Variants in CCDC91 observed in about 807,000 individuals in gnomAD.
CCDC91 encodes the protein coiled-coil domain-containing protein 91.
In CCDC91, 48 loss-of-function variants were observed where a neutral mutation model predicts 63.2. The observed-to-expected ratio is 0.76, with a 90% CI of 0.60 to 0.97. CCDC91 has a LOEUF of 0.97. Ranked by LOEUF, CCDC91 falls within the 50% of genes least tolerant of loss-of-function variation. The probability of loss-of-function intolerance (pLI) is 0.00; values close to 1 mark genes in which losing one functional copy is unlikely to be tolerated. For missense variants in CCDC91, 500 were observed against 494.6 expected, an observed-to-expected ratio of 1.01 and a Z score of -0.10; for synonymous variants, 167 against 165.8, an observed-to-expected ratio of 1.01 and a Z score of -0.06.
At chr12:28,267,637 TAATTAATATATATACCC>T (rs1947276391) in intron 3 of CCDC91, among the ~76,000 whole-genome samples, 1 of 130,104 alleles carries the variant, frequency 7.7e-6, no homozygotes, top group African/African-American at 2.8e-5. Context: ...CATATATACC[TAATTAATATATATACCC>T]AATTAATATA....
chr12:28,433,876 A>G (rs1948759012), intron 8 of CCDC91, among the ~76,000 whole-genome samples: 1 of 151,940 alleles, frequency 6.6e-6, no homozygotes, highest in African/African-American at 2.4e-5. Flanking sequence ...TTCATTCATC[A>G]GAGCTTTGTA....
intron 8 of CCDC91, among the ~76,000 whole-genome samples, chr12:28,391,797 C>T (rs1346267419): frequency 6.6e-6 from 1 of 152,142 alleles, no homozygotes; most frequent in Admixed American, 6.5e-5. Context: ...TCTGTACAGG[C>T]ATTGGCTTCT....
intron 11 of CCDC91, among the ~76,000 whole-genome samples, chr12:28,464,360 G>A (rs1318830118): frequency 6.6e-6 from 1 of 152,178 alleles, no homozygotes; most frequent in Admixed American, 6.5e-5. Flanking sequence ...CATTAGCCAG[G>A]ATGGCTGAGG....
intron 1 of CCDC91, among the ~76,000 whole-genome samples, chr12:28,254,348 A>G (rs927094059): frequency 1.6e-4 from 25 of 152,182 alleles, no homozygotes; most frequent in African/African-American, 6.0e-4. Flanking sequence ...TGTAACTTAG[A>G]TGTCAGATAT....
At chr12:28,502,808 A>C (rs1201466404) in intron 12 of CCDC91, among the ~76,000 whole-genome samples, 4 of 146,610 alleles carry the variant, frequency 2.7e-5, no homozygotes, top group Admixed American at 2.7e-4. Flanking sequence ...TCTTTGACAA[A>C]CCTGAGAAAA....
At chr12:28,240,824 A>G (rs951115684) in intron 1 of CCDC91, among the ~76,000 whole-genome samples, 3 of 152,216 alleles carry the variant, frequency 2.0e-5, no homozygotes, top group Admixed American at 6.5e-5. Context: ...CAAAGCTATG[A>G]ACAATCATGT....
intron 8 of CCDC91, among the ~76,000 whole-genome samples, chr12:28,438,548 T>TA (rs1430257414): frequency 6.6e-6 from 1 of 152,076 alleles, no homozygotes; most frequent in African/African-American, 2.4e-5. Flanking sequence ...TGGACTAAGA[T>TA]ACTTGCTAAA....
intron 3 of CCDC91, among the ~76,000 whole-genome samples, chr12:28,280,298 A>G (rs1948520887): frequency 6.6e-6 from 1 of 152,114 alleles, no homozygotes; most frequent in Non-Finnish European, 1.5e-5. Flanking sequence ...ATTTTTGTAT[A>G]TTACTTTCAA....
Position 28,547,831 on chromosome 12 carries a change from T to C in CCDC91, c.1216-1232T>C, listed in dbSNP as rs532286130. ...CATCCAATTTTTCAGCCATTTTGAG[T>C]ATAGTAGATTATGGAAGTATACTTT... On this transcript the variant is annotated intron_variant, in intron 12 of 12. Coordinates refer to ENST00000536442, the MANE Select transcript of CCDC91 (RefSeq NM_018318.5). Among the ~76,000 whole-genome samples the C allele has an allele frequency of 4.6e-4, 70 of 152,274 alleles. 1 individual carries two copies. The highest frequency in any genetic ancestry group is 1.6e-3 in the African/African-American group (68 of 41,574).
At chr12:28,496,957 T>G (rs1483010289) in intron 12 of CCDC91, among the ~76,000 whole-genome samples, 1 of 147,274 alleles carries the variant, frequency 6.8e-6, no homozygotes, top group Non-Finnish European at 1.5e-5. Context: ...TATATATATA[T>G]ATATGTAGGA....
intron 12 of CCDC91, among the ~76,000 whole-genome samples, chr12:28,521,205 C>CA (rs1940614549): frequency 6.6e-6 from 1 of 152,164 alleles, no homozygotes; most frequent in Non-Finnish European, 1.5e-5. Flanking sequence ...TATCCATGAG[C>CA]ATGGAATGTT....
At chr12:28,304,929 A>G (rs1045700935) in intron 3 of CCDC91, among the ~76,000 whole-genome samples, 9 of 152,138 alleles carry the variant, frequency 5.9e-5, no homozygotes, top group Non-Finnish European at 1.3e-4. Context: ...GGACCTTTAT[A>G]TTTGAGCTCT....
intron 6 of CCDC91, among the ~76,000 whole-genome samples, chr12:28,309,732 A>G (rs185825421): frequency 4.6e-5 from 7 of 152,194 alleles, no homozygotes; most frequent in African/African-American, 1.7e-4. Flanking sequence ...TATTTACATG[A>G]GTCAGATTAA....
chr12:28,211,990 C>A (rs1377043652), intron 1 of CCDC91, among the ~76,000 whole-genome samples: 1 of 152,128 alleles, frequency 6.6e-6, no homozygotes, highest in African/African-American at 2.4e-5. Context: ...TCTGTCATGA[C>A]TTCCAAACCC....
intron 6 of CCDC91, among the ~76,000 whole-genome samples, chr12:28,309,767 A>T (rs1437431339): frequency 1.3e-5 from 2 of 152,072 alleles, no homozygotes; most frequent in Non-Finnish European, 1.5e-5. Flanking sequence ...TACTTTTAAC[A>T]GCTCTCGCTG....
chr12:28,480,556 A>G (rs1951390279), intron 11 of CCDC91, among the ~76,000 whole-genome samples: 1 of 152,002 alleles, frequency 6.6e-6, no homozygotes, highest in South Asian at 2.1e-4. Flanking sequence ...TTTGCTACCA[A>G]CCACAAACTA....
intron 8 of CCDC91, among the ~76,000 whole-genome samples, chr12:28,394,551 G>A (rs569703871): frequency 1.3e-3 from 201 of 152,080 alleles, no homozygotes; most frequent in Non-Finnish European, 2.4e-3. Context: ...TAGAAATGGT[G>A]ACTCCACATT....
At chr12:28,212,866 AC>A (rs1282172212) in intron 1 of CCDC91, among the ~76,000 whole-genome samples, 1 of 152,210 alleles carries the variant, frequency 6.6e-6, no homozygotes, top group Non-Finnish European at 1.5e-5. Context: ...TTGAGTCCTG[AC>A]TATATTTCAA....
intron 12 of CCDC91, among the ~76,000 whole-genome samples, chr12:28,547,358 T>C (rs1943062273): frequency 6.6e-6 from 1 of 152,102 alleles, no homozygotes; most frequent in Non-Finnish European, 1.5e-5. Flanking sequence ...GTTAGCATGC[T>C]TTGGTTCTTA....
Sources: allele counts gnomAD v4.1 joint callset (sites outside exome capture counted in the v4.1 genomes callset), GRCh38; gene constraint gnomAD v4.1.1; transcripts MANE v1.5; gene names NCBI Gene and HGNC (gene_info 2026-07-23, HGNC 2026-07-21).